Variants in SH3TC1 observed in about 807,000 individuals in gnomAD.
SH3TC1 encodes SH3 domain and tetratricopeptide repeats 1.
In SH3TC1, 135 loss-of-function variants were observed where a neutral mutation model predicts 117.3. The ratio of observed to expected loss-of-function variants is 1.15; its 90% CI spans 1.00 to 1.33. SH3TC1 has a LOEUF of 1.33. Ranked by LOEUF, SH3TC1 falls within the 40% of genes most tolerant of loss-of-function variation. SH3TC1 has a pLI of 0.00. For synonymous variants in SH3TC1, 898 were observed against 816.9 expected (o/e 1.10, Z -1.69); for missense variants, 2,092 against 1,794.3 (o/e 1.17, Z -3.00).
At chr4:8,213,888 G>A (rs1718969728) in intron 4 of SH3TC1, among the ~76,000 whole-genome samples, 2 of 140,700 alleles carry the variant, frequency 1.4e-5, no homozygotes, top group Non-Finnish European at 1.5e-5. Flanking sequence ...CTCATCTCTG[G>A]AAAAAAAAAA....
In SH3TC1 at chr4:8,227,251, C is replaced by T. The variant is rs777258109; in HGVS notation, c.1557C>T (p.Tyr519=). 3.3e-5 allele frequency: 52 copies of T among 1,595,750 alleles called. No homozygotes were observed. The highest frequency in any genetic ancestry group is 1.7e-4 in the Middle Eastern group (1 of 5,938). Residue 519 remains tyrosine (Y), a synonymous_variant, in exon 12 of 18, where the codon TAC becomes TAT. Coordinates refer to ENST00000245105, the MANE Select transcript of SH3TC1 (RefSeq NM_018986.5). ...PGYKASFRGL[Y]DVALPWLSSV... ...ACAAGGCCAGCTTCCGTGGCCTGTA[C>T]GATGTGGCGCTGCCGTGGCTGAGCA...
intron 9 of SH3TC1, among the ~76,000 whole-genome samples, chr4:8,220,203 G>A (rs1000099630): frequency 6.6e-6 from 1 of 152,140 alleles, no homozygotes; most frequent in Non-Finnish European, 1.5e-5. Context: ...TACACACGTC[G>A]CTCTCCTCCG....
chr4:8,238,729 G>A (rs1286031939), intron 17 of SH3TC1, among the ~76,000 whole-genome samples: 2 of 152,210 alleles, frequency 1.3e-5, no homozygotes, highest in South Asian at 2.1e-4. Flanking sequence ...CTGCTCAGGG[G>A]CTGGCCTGGG....
chr4:8,222,931 C>T lies in SH3TC1; in HGVS notation c.1204C>T (p.Arg402Trp), dbSNP rs546584596. The change falls in exon 10 of 18, where the codon CGG becomes TGG. Residue 402 changes from arginine to tryptophan, a missense_variant. Transcript: ENST00000245105. ...SEEDARQLLR[R>W]MSGTDVCSVY... ...GGAGGATGCCAGGCAGTTGCTGAGG[C>T]GGATGTCGGGCACCGATGTCTGCAG... 5.1e-5 allele frequency: 82 copies of T among 1,612,948 alleles called. No homozygotes were observed. In the East Asian group the frequency reaches 1.1e-3, roughly 21 times the overall value.
chr4:8,236,437 C>T lies in SH3TC1; in HGVS notation c.3556+9C>T. On this transcript the variant is annotated intron_variant, in intron 16 of 17. Coordinates refer to ENST00000245105, the MANE Select transcript of SH3TC1 (RefSeq NM_018986.5). ...ACTCAGCATCACCCTGGGTAAGCCC[C>T]CTGAGCCCCTGCCCTGCCAGGACCC... The T allele has an allele frequency of 6.9e-7, 1 of 1,440,274 alleles. No homozygotes were observed. The allele number at this position is 1,440,274 out of a possible 1,614,324, so 89.2% of individuals were successfully genotyped here.
intron 9 of SH3TC1, among the ~76,000 whole-genome samples, chr4:8,220,158 G>A (rs1452777380): frequency 6.6e-6 from 1 of 152,144 alleles, no homozygotes; most frequent in African/African-American, 2.4e-5. Flanking sequence ...CTGAGGTTCC[G>A]GGAGACATGA....
intron 3 of SH3TC1, among the ~76,000 whole-genome samples, chr4:8,211,306 C>T (rs188266124): frequency 7.2e-5 from 2 of 27,666 alleles, no homozygotes; most frequent in African/African-American, 2.6e-4. Context: ...TTTTCTCCCT[C>T]CTCCCTCCTT....
chr4:8,225,245 T>A lies in SH3TC1; in HGVS notation c.1285+29T>A, dbSNP rs750313093. 6.2e-7 allele frequency: 1 copy of A among 1,608,522 alleles called. No individual in the cohort carries two copies. The highest frequency in any genetic ancestry group is 8.5e-7 in the Non-Finnish European group (1 of 1,177,550). ...GGTTTTGCCAGTGGCTCAGGCTTCC[T>A]CTGGTTATGAGCTGGGCCTTGGGGT... is the stretch of plus-strand genomic sequence containing the variant. On this transcript the variant is annotated intron_variant, in intron 11 of 17. Transcript: ENST00000245105. This position sits in a 1 kb window ranked among gnomAD's most constrained non-coding sequence, Gnocchi z 5.5.
Position 8,205,341 on chromosome 4 carries a change from G to A in SH3TC1, c.147G>A (p.Glu49=). ...TGAGCTGGGAGAAAGCGGGGCCCGA[G>A]GAGGCCAAGGCGCCAGTGAGAGGCG... ...PSVSWEKAGP[E]EAKAPVRGDE... Residue 49 remains glutamate, a synonymous_variant, in exon 2 of 18, where the codon GAG becomes GAA. Transcript: ENST00000245105. This position sits in a 1 kb window ranked among gnomAD's most constrained non-coding sequence, Gnocchi z 5.4. The A allele has an allele frequency of 6.5e-7, 1 of 1,549,468 alleles. No individual in the cohort carries two copies. The highest frequency in any genetic ancestry group is 8.7e-7 in the Non-Finnish European group (1 of 1,146,828).
chr4:8,220,457 C>G (rs1418012247), intron 9 of SH3TC1, among the ~76,000 whole-genome samples: 1 of 152,166 alleles, frequency 6.6e-6, no homozygotes, highest in Non-Finnish European at 1.5e-5. Flanking sequence ...CCTGCCTGCT[C>G]CCAGCCAGGG....
At chr4:8,236,489 G>A in intron 16 of SH3TC1, 61 bp downstream of exon 16, 15 of 1,416,970 alleles carry the variant, frequency 1.1e-5, no homozygotes, top group Non-Finnish European at 1.3e-5. Context: ...CAGCCTCCAG[G>A]TCTGCAGGGC....
chr4:8,235,779 A>C, intron 15 of SH3TC1: 1 of 490,740 alleles, frequency 2.0e-6, no homozygotes. Context: ...GCACCCGATG[A>C]TCTCAAGCAA....
chr4:8,229,448 AGGGGGTGAGTGAGTGGGGGTGTGAT>A (rs1560108136), intron 12 of SH3TC1, among the ~76,000 whole-genome samples: 1 of 83,510 alleles, frequency 1.2e-5, no homozygotes, highest in African/African-American at 4.9e-5. Context: ...GTGAGTGAGC[AGGGGGTGAGTGAGTGGGGGTGTGAT>A]GGGGGTGAGC....
intron 3 of SH3TC1, among the ~76,000 whole-genome samples, chr4:8,212,117 G>A (rs1718792837): frequency 1.3e-5 from 2 of 152,122 alleles, no homozygotes; most frequent in Admixed American, 6.5e-5. Flanking sequence ...CCGAGCAGGG[G>A]TGGGGGCCCT....
upstream of SH3TC1, among the ~76,000 whole-genome samples, chr4:8,195,122 G>T (rs1717520822): frequency 6.6e-6 from 1 of 152,238 alleles, no homozygotes; most frequent in South Asian, 2.1e-4. Context: ...TCAGGAGACA[G>T]TCAAGCTGGT....
intron 1 of SH3TC1, 89 bp downstream of exon 1, chr4:8,199,494 C>A (rs1357066901): frequency 6.6e-6 from 1 of 152,234 alleles, no homozygotes; most frequent in East Asian, 1.9e-4. Flanking sequence ...TTTACACTTT[C>A]TTGAGGACTT....
rs1578765701 is a variant in SH3TC1, at chr4:8,240,645, G to A, written c.3754-53G>A. The A allele has an allele frequency of 3.7e-6, 6 of 1,607,288 alleles. No individual in the cohort carries two copies. The East Asian group carries it at 1.3e-4, about 36-fold the overall frequency. Reference sequence around the variant, plus strand: ...TGACCTGGGCACAGGAACGGCCTCTGGGGAGACTGGCTCCGAGTCCCCCTT... The same window carrying A: ...TGACCTGGGCACAGGAACGGCCTCTAGGGAGACTGGCTCCGAGTCCCCCTT... On this transcript the variant is annotated intron_variant, in intron 17 of 17. Coordinates refer to ENST00000245105, the MANE Select transcript of SH3TC1 (RefSeq NM_018986.5).
In SH3TC1 at chr4:8,209,793, C is replaced by T; in HGVS notation, c.218C>T (p.Pro73Leu). 6.2e-7 allele frequency: 1 copy of T among 1,613,592 alleles called. No individual in the cohort carries two copies. Among genetic ancestry groups the T allele is most frequent in the Non-Finnish European group, 8.5e-7 (1 of 1,179,990 alleles). ...GTGGCTGGGCCTGCTGCTGGGACCC[C>T]TCCCTGCCAGATGGGGGTTTATCCC... ...ARVAGPAAGT[P>L]PCQMGVYPTD... is the part of the protein sequence containing the mutation. Residue 73 changes from proline (P) to leucine (L), a missense_variant, in exon 3 of 18, where the codon CCT (proline) becomes CTT (leucine). Pro to Leu is a moderately conservative substitution (Grantham distance 98, BLOSUM62 -3). Transcript: ENST00000245105. The surrounding 1 kb of genome is among the most constrained non-coding windows in gnomAD (Gnocchi z 5.9).
rs5856006 is a variant in SH3TC1 at position 8,222,361 on chromosome 4, G to GTT, written c.1113-450_1113-449dup. The stretch of plus-strand genomic sequence containing the variant: ...AGGCACCCCTTGAGGTCAGGATCTG[G>GTT]TTTTTTTTTTTTTTTTTTTTTTTTT... On this transcript the variant is annotated intron_variant, in intron 9 of 17. Transcript: ENST00000245105. Among the ~76,000 whole-genome samples the GTT allele has an allele frequency of 7.4e-4, 30 of 40,318 alleles. 4 individuals are homozygous for GTT. Among genetic ancestry groups the GTT allele is most frequent in the East Asian group, 3.5e-3 (3 of 848 alleles). The allele number at this position is 40,318 out of a possible 152,430, so 26.5% of individuals were successfully genotyped here.
Sources: allele counts gnomAD v4.1 joint callset (sites outside exome capture counted in the v4.1 genomes callset), GRCh38; gene constraint gnomAD v4.1.1; non-coding constraint Gnocchi (gnomAD v3.1); transcripts MANE v1.5; gene names NCBI Gene and HGNC (gene_info 2026-07-23, HGNC 2026-07-21).